FBXO31: variants seen among roughly 807,000 people sequenced by gnomAD.
FBXO31 encodes the protein F-box only protein 31.
Under a neutral mutation model 54.4 loss-of-function variants are expected in FBXO31, and 24 were observed. The ratio of observed to expected loss-of-function variants is 0.44; its 90% confidence interval spans 0.32 to 0.62. The LOEUF is 0.62. FBXO31 is among the 20% of genes least tolerant of loss of function. The pLI, the probability that FBXO31 is intolerant of heterozygous loss-of-function variation, is 0.05. For missense variants in FBXO31, 665 were observed against 787.1 expected, an observed-to-expected ratio of 0.84 and a Z score of 1.86; for synonymous variants, 388 against 335.6, an observed-to-expected ratio of 1.16 and a Z score of -1.71.
chr16:87,360,939 C>G (rs1906105869), intron 1 of FBXO31, among the ~76,000 whole-genome samples: 1 of 152,232 alleles, frequency 6.6e-6, no homozygotes, highest in Non-Finnish European at 1.5e-5. Flanking sequence ...CCCCTGTCCT[C>G]ACACCCTCAC....
rs1905046565 is a variant in FBXO31, at chr16:87,336,356, T to C, written c.733-92A>G. On this transcript the variant is annotated intron_variant, in intron 5 of 8. Transcript: ENST00000311635. The surrounding 1 kb of genome is among the most constrained non-coding windows in gnomAD (Gnocchi z 6.5). ...CCGCTGAGAGGACACAGTGTGTCCT[T>C]CTTTGTCAGTGCACAGGCACCTGCA... 4 of 1,120,320 alleles carry C rather than the reference T, an allele frequency of 3.6e-6. No homozygotes were observed. The Admixed American group carries it at 7.1e-5, about 20-fold the overall frequency. The allele number at this position is 1,120,320 out of a possible 1,614,324, so 69.4% of individuals were successfully genotyped here.
intron 8 of FBXO31, among the ~76,000 whole-genome samples, chr16:87,332,709 G>A (rs1478959953): frequency 6.8e-6 from 1 of 147,974 alleles, no homozygotes; most frequent in African/African-American, 2.5e-5. Flanking sequence ...TGGGCCTGTG[G>A]CACCCTTCCC....
rs199657647 is a variant in FBXO31, at chr16:87,343,657, T to C, written c.598A>G (p.Lys200Glu). ...TACATGCACTCCACTGTGGCAGCCT[T>C]CCTCTCCATCAGGTGGATCCTGAAC... ...PLFRIHLMER[K>E]AATVECMYGH... The change falls in exon 4 of 9, where the codon AAG (lysine) becomes GAG (glutamate). Residue 200 changes from lysine (K) to glutamate (E), a missense_variant. This residue lies in a region of FBXO31 where 234 missense variants were observed against 346.8 expected (regional missense o/e 0.67). Transcript: ENST00000311635. 4.8e-5 allele frequency: 78 copies of C among 1,614,140 alleles called. No individual in the cohort carries two copies. The highest frequency in any genetic ancestry group is 1.6e-4 in the Middle Eastern group (1 of 6,062).
At chr16:87,382,302 G>A (rs987917182) in intron 1 of FBXO31, among the ~76,000 whole-genome samples, 1 of 152,176 alleles carries the variant, frequency 6.6e-6, no homozygotes, top group Non-Finnish European at 1.5e-5. Flanking sequence ...ACGACTCAGA[G>A]GTTTTTTAAA....
At chr16:87,360,150 A>G (rs958368181) in intron 2 of FBXO31, 145 bp downstream of exon 2, 28 of 704,626 alleles carry the variant, frequency 4.0e-5, no homozygotes, top group Non-Finnish European at 4.0e-5. Context: ...TGTTACTACC[A>G]GTGCTCTATT....
At chr16:87,386,730 G>A (rs1353103292), upstream of FBXO31, among the ~76,000 whole-genome samples, 3 of 152,274 alleles carry the variant, frequency 2.0e-5, no homozygotes, top group East Asian at 1.9e-4. Flanking sequence ...CACTGCACCC[G>A]GCCTTTATTC....
chr16:87,349,132 T>C (rs1905528200), intron 2 of FBXO31, among the ~76,000 whole-genome samples: 1 of 152,332 alleles, frequency 6.6e-6, no homozygotes, highest in East Asian at 1.9e-4. Flanking sequence ...TAATCATCAA[T>C]AATGTCATCC....
At position 87,383,370 on chromosome 16, in the gene FBXO31, C is replaced by T. The variant is rs1010261624; in HGVS notation, c.340+35G>A. On this transcript the variant is annotated intron_variant, in intron 1 of 8. Coordinates refer to ENST00000311635, the MANE Select transcript of FBXO31 (RefSeq NM_024735.5). The surrounding 1 kb of genome is among the most constrained non-coding windows in gnomAD (Gnocchi z 4.9). ...AGGCCTCCACCTGGCAGGGACCCCC[C>T]GCCCCTCCCGGCCCCGCCACCCCCG... 6.9e-7 allele frequency: 1 copy of T among 1,449,408 alleles called. No individual in the cohort carries two copies. Among genetic ancestry groups the T allele is most frequent in the Non-Finnish European group, 9.3e-7 (1 of 1,072,476 alleles). 89.8% of individuals were successfully genotyped at this position (1,449,408 alleles called of 1,614,324 possible). A position where few individuals can be genotyped will look rare whatever the true frequency, so the allele number is the denominator to read the frequency against.
chr16:87,383,532 C>A lies in FBXO31; in HGVS notation c.213G>T (p.Pro71=), dbSNP rs763860857. 1 of 1,579,452 alleles carries A rather than the reference C, an allele frequency of 6.3e-7. No homozygotes were observed. Among genetic ancestry groups the A allele is most frequent in the Non-Finnish European group, 8.6e-7 (1 of 1,167,570 alleles). Residue 71 remains proline (P), a synonymous_variant, in exon 1 of 9, where the codon CCG becomes CCT. Coordinates refer to ENST00000311635, the MANE Select transcript of FBXO31 (RefSeq NM_024735.5). This position sits in a 1 kb window ranked among gnomAD's most constrained non-coding sequence, Gnocchi z 4.9. The part of the protein sequence containing the change: ...PPPRCSLLEL[P]PELLVEIFAS... ...CGAAGATCTCCACCAGCAGCTCGGG[C>A]GGCAGCTCCAGCAGCGAGCAGCGCG...
Position 87,331,525 on chromosome 16 carries a change from G to A in FBXO31, c.1398-15C>T. On this transcript the variant is annotated splice_polypyrimidine_tract_variant and intron_variant, in intron 8 of 8. Transcript: ENST00000311635. ...TGCCATAAAAACTGAGCAGAAACAA[G>A]AGGGAAACTGTGAGCTGGGGGAGGG... 2 of 1,583,306 alleles carry A rather than the reference G, an allele frequency of 1.3e-6. No homozygotes were observed. Among genetic ancestry groups the A allele is most frequent in the Non-Finnish European group, 1.7e-6 (2 of 1,159,716 alleles).
rs775683876 is a variant in FBXO31, at chr16:87,333,931, C to G, written c.1352G>C (p.Gly451Ala). 6.2e-7 allele frequency: 1 copy of G among 1,611,822 alleles called. No individual in the cohort carries two copies. Among genetic ancestry groups the G allele is most frequent in the Non-Finnish European group, 8.5e-7 (1 of 1,179,184 alleles). Residue 451 changes from glycine to alanine, a missense_variant, in exon 8 of 9, where the codon GGC (glycine) becomes GCC (alanine). Coordinates refer to ENST00000311635, the MANE Select transcript of FBXO31 (RefSeq NM_024735.5). Reference protein sequence around the residue: ...GQGQPFVLPVGVSSRNEDYPR... With the variant: ...GQGQPFVLPVAVSSRNEDYPR... ...GTAGTCCTCATTCCTGGAGCTCACG[C>G]CCACGGGCAGCACGAACGGCTGCCC...
intron 2 of FBXO31, among the ~76,000 whole-genome samples, chr16:87,350,032 C>CATGCACAGTCA (rs1567619406): frequency 6.6e-6 from 1 of 152,138 alleles, no homozygotes; most frequent in African/African-American, 2.4e-5. Flanking sequence ...ATGCACAGTC[C>CATGCACAGTCA]ACATGTTGGC....
chr16:87,350,123 G>T (rs1905585630), intron 2 of FBXO31, among the ~76,000 whole-genome samples: 1 of 152,028 alleles, frequency 6.6e-6, no homozygotes, highest in African/African-American at 2.4e-5. Context: ...CAGGATCTCG[G>T]GGCTCTGCAG....
intron 2 of FBXO31, among the ~76,000 whole-genome samples, chr16:87,356,228 CAAAA>C (rs562439286): frequency 1.2e-5 from 1 of 82,664 alleles, no homozygotes; most frequent in Admixed American, 1.4e-4. Context: ...GACTCCATCT[CAAAA>C]AAAAAAAAAA....
chr16:87,331,375 C>G lies in FBXO31; in HGVS notation c.1533G>C (p.Arg511=), dbSNP rs771936952. ...LELKSFSLYS[R]VQATFRNADA... ...CTGCGTTCCGGAAGGTGGCCTGGAC[C>G]CGGCTGTACAGGCTGAAGGATTTCA... Residue 511 remains arginine, a synonymous_variant, in exon 9 of 9, where the codon CGG becomes CGC. Transcript: ENST00000311635. 1 of 1,613,958 alleles carries G rather than the reference C, an allele frequency of 6.2e-7. No individual in the cohort carries two copies. Among genetic ancestry groups the G allele is most frequent in the South Asian group, 1.1e-5 (1 of 91,082 alleles).
chr16:87,391,456 C>G (rs997043761), upstream of FBXO31: 6 of 152,282 alleles, frequency 3.9e-5, no homozygotes, highest in African/African-American at 1.2e-4. Context: ...ACAGATGAGT[C>G]TGAGACTCAA....
In FBXO31 at chr16:87,343,708, C is replaced by A. The variant is rs775309853; in HGVS notation, c.547G>T (p.Asp183Tyr). 6.2e-7 allele frequency: 1 copy of A among 1,614,246 alleles called. No homozygotes were observed. The highest frequency in any genetic ancestry group is 8.5e-7 in the Non-Finnish European group (1 of 1,180,044). Residue 183 changes from aspartate to tyrosine, a missense_variant, in exon 4 of 9, where the codon GAT (aspartate) becomes TAT (tyrosine). Asp to Tyr is a radical substitution (Grantham distance 160). Around this residue, in one of 4 missense-constraint regions of FBXO31, gnomAD observed 234 missense variants for 346.8 expected, o/e 0.67. Coordinates refer to ENST00000311635, the MANE Select transcript of FBXO31 (RefSeq NM_024735.5). ...MYLPPHDPHV[D>Y]DPMRFKPLFR... The stretch of plus-strand genomic sequence containing the variant: ...AGAGGCTTGAATCTCATAGGGTCAT[C>A]GACGTGGGGGTCATGGGGAGGCAGG...
Position 87,350,142 on chromosome 16 carries a change from G to A in FBXO31, c.413-2892C>T, listed in dbSNP as rs554127888. ...ATCTCGGGGCTCTGCAGGCAGTGGG[G>A]GCCATGGGGGTTTCGGAGCACTGGA... On this transcript the variant is annotated intron_variant, in intron 2 of 8. Coordinates refer to ENST00000311635, the MANE Select transcript of FBXO31 (RefSeq NM_024735.5). Among the ~76,000 whole-genome samples, 12 of 152,152 alleles carry A rather than the reference G, an allele frequency of 7.9e-5. No individual in the cohort carries two copies. The South Asian group carries it at 2.1e-3, about 26-fold the overall frequency.
intron 1 of FBXO31, among the ~76,000 whole-genome samples, chr16:87,372,383 T>C (rs1305339892): frequency 2.6e-5 from 4 of 152,112 alleles, no homozygotes; most frequent in Non-Finnish European, 5.9e-5. Context: ...GAAAAAGGCT[T>C]TCCCCACAGT....
Sources: allele counts gnomAD v4.1 joint callset (sites outside exome capture counted in the v4.1 genomes callset), GRCh38; gene constraint gnomAD v4.1.1; regional missense constraint gnomAD v4.1.1; non-coding constraint Gnocchi (gnomAD v3.1); transcripts MANE v1.5; gene names NCBI Gene and HGNC (gene_info 2026-07-23, HGNC 2026-07-21).